PHF12: variants seen among roughly 807,000 people sequenced by gnomAD.
The protein encoded by PHF12 is PHD finger protein 12.
Under a neutral mutation model 99.8 loss-of-function variants are expected in PHF12, and 6 were observed. That is an observed-to-expected ratio of 0.06 (90% confidence interval 0.03 to 0.12). PHF12 has a LOEUF of 0.12. Ranked by LOEUF, PHF12 falls within the 10% of genes least tolerant of loss-of-function variation. The pLI is 1.00. For synonymous variants in PHF12, 480 were observed against 514.9 expected (o/e 0.93, Z 0.92); for missense variants, 954 against 1,300.1 (o/e 0.73, Z 4.09).
At chr17:28,927,483 CTAGAATACTCTTCCTT>C (rs2152669150) in intron 2 of PHF12, among the ~76,000 whole-genome samples, 1 of 152,320 alleles carries the variant, frequency 6.6e-6, no homozygotes, top group African/African-American at 2.4e-5. Flanking sequence ...ATTTCTTCCT[CTAGAATACTCTTCCTT>C]TAGAAAGCTA....
intron 7 of PHF12, among the ~76,000 whole-genome samples, 155 bp from the exon 8 acceptor site, chr17:28,914,192 TAGC>T (rs1313870189): frequency 6.6e-6 from 1 of 152,040 alleles, no homozygotes; most frequent in Non-Finnish European, 1.5e-5. Context: ...GAAATGGAAA[TAGC>T]AGGTGGGGCC....
intron 2 of PHF12, among the ~76,000 whole-genome samples, chr17:28,947,902 T>A (rs989291279): frequency 5.4e-5 from 8 of 148,766 alleles, no homozygotes; most frequent in South Asian, 2.1e-4. Flanking sequence ...AAAAAAAAAA[T>A]TTCAATGAAA....
intron 2 of PHF12, among the ~76,000 whole-genome samples, chr17:28,944,070 C>T (rs946541725): frequency 1.3e-5 from 2 of 152,242 alleles, no homozygotes; most frequent in Non-Finnish European, 2.9e-5. Flanking sequence ...GAACTTACAA[C>T]AGACCAACAT....
chr17:28,908,991 G>A, intron 11 of PHF12, 110 bp from the exon 12 acceptor site: 5 of 994,916 alleles, frequency 5.0e-6, no homozygotes, highest in Non-Finnish European at 6.1e-6. Flanking sequence ...AAATCCCGCT[G>A]GATGACTCAT....
In PHF12 at chr17:28,912,502, C is replaced by T. The variant is rs777883609; in HGVS notation, c.2069G>A (p.Ser690Asn). The T allele has an allele frequency of 6.2e-7, 1 of 1,602,436 alleles. No homozygotes were observed. Among genetic ancestry groups the T allele is most frequent in the East Asian group, 2.2e-5 (1 of 44,664 alleles). ...CTCACCTGACGATGGCGCTGGTGAG[C>T]TGAATCGTTGGTTGGCTGTTGTGGC... ...ILATTANQRF[S>N]SPAPSSDGKV... Residue 690 changes from serine (S) to asparagine (N), a missense_variant, in exon 9 of 15, where the codon AGC becomes AAC. This residue lies in a region of PHF12 where 392 missense variants were observed against 423.1 expected (regional missense o/e 0.93). Coordinates refer to ENST00000332830, the MANE Select transcript of PHF12 (RefSeq NM_001033561.2).
chr17:28,910,310 G>A lies in PHF12; in HGVS notation c.2275C>T (p.His759Tyr). 1.2e-6 allele frequency: 2 copies of A among 1,614,174 alleles called. No homozygotes were observed. Among genetic ancestry groups the A allele is most frequent in the Non-Finnish European group, 1.7e-6 (2 of 1,180,026 alleles). ...TGGACCCGGGAGGGGAAAAGCTGAT[G>A]TATTCTCTGCAAGGCCAGAAACTTG... ...LIKFLALQRI[H>Y]QLFPSRVQPS... Residue 759 changes from histidine to tyrosine, a missense_variant, in exon 11 of 15, where the codon CAT becomes TAT. Coordinates refer to ENST00000332830, the MANE Select transcript of PHF12 (RefSeq NM_001033561.2).
At position 28,912,713 on chromosome 17, in the gene PHF12, G is replaced by C. The variant is rs780544006; in HGVS notation, c.1858C>G (p.Pro620Ala). The C allele has an allele frequency of 6.2e-7, 1 of 1,614,218 alleles. No individual in the cohort carries two copies. ...ATGGAAGGGGGCAGGCTTGGGACAG[G>C]AACCAAACTCCTCTGGGGGCAAGAG... Reference protein sequence around the residue: ...PSSCPQRSLVPVPSLPPSIPS... With the variant: ...PSSCPQRSLVAVPSLPPSIPS... Residue 620 changes from proline (P) to alanine (A), a missense_variant, in exon 9 of 15, where the codon CCT (proline) becomes GCT (alanine). This residue lies in a region of PHF12 where 392 missense variants were observed against 423.1 expected (regional missense o/e 0.93). Transcript: ENST00000332830.
intron 2 of PHF12, among the ~76,000 whole-genome samples, chr17:28,942,557 C>T (rs960462117): frequency 2.8e-4 from 42 of 152,126 alleles, no homozygotes; most frequent in African/African-American, 8.9e-4. Flanking sequence ...GTGGCTCACA[C>T]CTGTAATCCC....
Position 28,923,955 on chromosome 17 carries a change from G to A in PHF12, c.669C>T (p.Thr223=), listed in dbSNP as rs1598137851. The A allele has an allele frequency of 2.4e-5, 39 of 1,613,490 alleles. No homozygotes were observed. Among genetic ancestry groups the A allele is most frequent in the Non-Finnish European group, 3.3e-5 (39 of 1,179,936 alleles). ...TCAGTTCATTGGGCAACTGAAATTG[G>A]GTGGGGTTCCGCTCCATGGCGGCAG... is the stretch of plus-strand genomic sequence containing the variant. ...LIAAAMERNP[T]QFQLPNELTC... is the part of the protein sequence containing the mutation. The change falls in exon 4 of 15, where the codon ACC becomes ACT. Residue 223 remains threonine, a synonymous_variant. Transcript: ENST00000332830.
chr17:28,906,104 C>T lies in PHF12; in HGVS notation c.*79G>A, dbSNP rs202138656. ...TTTCTGGTAGAGTATAGAAAACACCCGGGCTTGGTTTGTGTACATTTTTGC... is the reference window on the plus strand; with the variant it reads ...TTTCTGGTAGAGTATAGAAAACACCTGGGCTTGGTTTGTGTACATTTTTGC... On this transcript the variant is annotated 3_prime_UTR_variant, in exon 15 of 15. Transcript: ENST00000332830. The surrounding 1 kb of genome is among the most constrained non-coding windows in gnomAD (Gnocchi z 4.2). 33 of 1,404,974 alleles carry T rather than the reference C, an allele frequency of 2.3e-5. No homozygotes were observed. The Admixed American group carries it at 3.4e-4, about 14-fold the overall frequency. 87.0% of individuals were successfully genotyped at this position (1,404,974 alleles called of 1,614,324 possible).
chr17:28,940,895 C>T (rs750252553), intron 2 of PHF12, among the ~76,000 whole-genome samples: 1 of 152,172 alleles, frequency 6.6e-6, no homozygotes, highest in Non-Finnish European at 1.5e-5. Context: ...AGCCGTGCTC[C>T]TGTCCTGTAT....
chr17:28,907,188 C>G (rs765180233), intron 13 of PHF12, 194 bp from the exon 14 acceptor site: 42 of 594,322 alleles, frequency 7.1e-5, no homozygotes, highest in Non-Finnish European at 1.1e-4. Flanking sequence ...TGGTGTCCCA[C>G]ACTCCCTACT....
intron 2 of PHF12, chr17:28,928,355 A>G (rs1399894931): frequency 1.3e-5 from 2 of 152,236 alleles, no homozygotes; most frequent in Non-Finnish European, 2.9e-5. Flanking sequence ...TTATGCAACA[A>G]TAGATAACCA....
chr17:28,941,551 G>T (rs1051970923), intron 2 of PHF12, among the ~76,000 whole-genome samples: 1 of 152,106 alleles, frequency 6.6e-6, no homozygotes, highest in African/African-American at 2.4e-5. Context: ...GGGCTCAAAA[G>T]ACAGCACATT....
intron 7 of PHF12, among the ~76,000 whole-genome samples, chr17:28,915,040 G>T (rs1038404334): frequency 1.3e-5 from 2 of 152,212 alleles, no homozygotes; most frequent in African/African-American, 4.8e-5. Flanking sequence ...GGTTCTAGAA[G>T]AGAAGCATGT....
intron 2 of PHF12, among the ~76,000 whole-genome samples, chr17:28,941,617 CTT>C (rs1328246824): frequency 2.0e-5 from 3 of 148,672 alleles, no homozygotes; most frequent in African/African-American, 2.5e-5. Context: ...CAATTAAAAT[CTT>C]TTTTTTTTGA....
At chr17:28,930,046 C>A (rs1461868256) in intron 2 of PHF12, 7 of 152,196 alleles carry the variant, frequency 4.6e-5, no homozygotes, top group African/African-American at 1.7e-4. Flanking sequence ...ACATTTAAAA[C>A]ATTTAAAGTA....
intron 2 of PHF12, among the ~76,000 whole-genome samples, chr17:28,928,707 G>A (rs928095428): frequency 2.0e-5 from 3 of 152,026 alleles, no homozygotes; most frequent in Admixed American, 6.6e-5. Context: ...CTTTGAACTC[G>A]GGAGGCGGAA....
chr17:28,913,364 GA>G, intron 8 of PHF12, 87 bp from the exon 9 acceptor site: 1 of 1,511,928 alleles, frequency 6.6e-7, no homozygotes, highest in Non-Finnish European at 8.8e-7. Flanking sequence ...CAGCAGAGCT[GA>G]CAAGCAGTTT....
Sources: gnomAD v4.1 joint callset for allele counts (sites outside exome capture counted in the v4.1 genomes callset) on GRCh38, gnomAD v4.1.1 for gene constraint, gnomAD v4.1.1 regional missense constraint, Gnocchi (gnomAD v3.1) non-coding constraint, MANE v1.5 for transcripts, NCBI Gene and HGNC (gene_info 2026-07-23, HGNC 2026-07-21) for gene names.